The following SOX5 variants were observed in gnomAD, a reference collection of about 807,000 sequenced individuals.
SOX5 encodes the protein transcription factor SOX-5.
A neutral mutation model predicts 92.0 loss-of-function variants in SOX5; 9 were observed. The ratio of observed to expected loss-of-function variants is 0.10; its 90% confidence interval spans 0.06 to 0.17. SOX5 has a LOEUF of 0.17. Among genes scored for constraint, SOX5 ranks in the 10% least tolerant of loss-of-function variants. The pLI is 1.00. For synonymous variants in SOX5, 344 were observed against 336.3 expected, an observed-to-expected ratio of 1.02 and a Z score of -0.25; for missense variants, 642 against 944.5, an observed-to-expected ratio of 0.68 and a Z score of 4.20.
At chr12:23,825,353 C>G (rs756485175) in intron 3 of SOX5, among the ~76,000 whole-genome samples, 1 of 152,134 alleles carries the variant, frequency 6.6e-6, no homozygotes, top group Non-Finnish European at 1.5e-5. Context: ...TTGCAATTCC[C>G]GGGTGAGGCA....
chr12:23,531,888 T>C lies in SOX5; in HGVS notation c.*2331A>G, dbSNP rs1939161700. The C allele has an allele frequency of 6.6e-6, 1 of 150,980 alleles. No individual in the cohort carries two copies. Among genetic ancestry groups the C allele is most frequent in the Admixed American group, 6.6e-5 (1 of 15,054 alleles). The allele number at this position is 150,980 out of a possible 1,614,324, so 9.4% of individuals were successfully genotyped here. A position where few individuals can be genotyped will look rare whatever the true frequency, so the allele number is the denominator to read the frequency against. ...ACTTACGGAAAGAGAAGTAAAATTGTGGGTAAATGTGTGTGTGTGTGTGTA... is the reference window on the plus strand; with the variant it reads ...ACTTACGGAAAGAGAAGTAAAATTGCGGGTAAATGTGTGTGTGTGTGTGTA... On this transcript the variant is annotated 3_prime_UTR_variant, in exon 15 of 15. Coordinates refer to ENST00000451604, the MANE Select transcript of SOX5 (RefSeq NM_006940.6).
intron 1 of SOX5, among the ~76,000 whole-genome samples, chr12:24,550,051 A>T (rs969851526): frequency 6.6e-6 from 1 of 152,180 alleles, no homozygotes; most frequent in Non-Finnish European, 1.5e-5. Flanking sequence ...GAATCAGTCC[A>T]CTCTGGGTTC....
intron 4 of SOX5, among the ~76,000 whole-genome samples, chr12:23,751,566 C>T (rs1459228946): frequency 6.6e-6 from 1 of 151,838 alleles, no homozygotes; most frequent in Non-Finnish European, 1.5e-5. Context: ...TGACTCTATA[C>T]ATCTTCTATC....
intron 3 of SOX5, among the ~76,000 whole-genome samples, chr12:24,248,302 C>T (rs921739521): frequency 6.6e-6 from 1 of 152,294 alleles, no homozygotes; most frequent in African/African-American, 2.4e-5. Context: ...CTCAGAGAGC[C>T]AATATTCCTG....
upstream of SOX5, among the ~76,000 whole-genome samples, chr12:23,951,264 G>C (rs1279941404): frequency 6.6e-6 from 1 of 150,798 alleles, no homozygotes; most frequent in Non-Finnish European, 1.5e-5. Flanking sequence ...GGCTGGCACT[G>C]AACTCACTTA....
intron 2 of SOX5, among the ~76,000 whole-genome samples, chr12:24,327,866 T>C (rs1203962059): frequency 6.6e-6 from 1 of 152,038 alleles, no homozygotes; most frequent in African/African-American, 2.4e-5. Flanking sequence ...TTTCGTATTT[T>C]TTTTTTGGTA....
intron 6 of SOX5, among the ~76,000 whole-genome samples, chr12:23,702,401 T>G (rs546841666): frequency 6.6e-6 from 1 of 152,028 alleles, no homozygotes; most frequent in Non-Finnish European, 1.5e-5. Context: ...CTCATCAAAG[T>G]TGGGTATTTA....
intron 2 of SOX5, among the ~76,000 whole-genome samples, chr12:24,316,928 T>C (rs1413262893): frequency 6.6e-6 from 1 of 152,140 alleles, no homozygotes; most frequent in African/African-American, 2.4e-5. Flanking sequence ...AAGCTTTTTG[T>C]AGGTTTTAGC....
At position 23,610,687 on chromosome 12, in the gene SOX5, T is replaced by C. The variant is rs1381553063; in HGVS notation, c.1018-6154A>G. On this transcript the variant is annotated intron_variant, in intron 8 of 14. Transcript: ENST00000451604. ...TAGAAAGAAAGGCTCATTAGTAATA[T>C]AGATAAAATTCACATTCATTCACTC... Among the ~76,000 whole-genome samples, 5 of 152,128 alleles carry C rather than the reference T, an allele frequency of 3.3e-5. No homozygotes were observed. The East Asian group carries it at 9.6e-4, about 29-fold the overall frequency.
rs1952937035 is a variant in SOX5 at position 24,011,523 on chromosome 12, TTTG to T, written c.-1-115502_-1-115500del. Among the ~76,000 whole-genome samples the T allele has an allele frequency of 3.3e-5, 5 of 152,326 alleles. No homozygotes were observed. The South Asian group carries it at 1.0e-3, about 32-fold the overall frequency. On this transcript the variant is annotated intron_variant, in intron 4 of 4. Coordinates refer to the SOX5 transcript ENST00000446891. ...CCCAAAAGAAGAAGATTCCATATTT[TTTG>T]TTAACAACTTTTATTTTGTAGAGTA...
chr12:23,872,709 AATAT>A (rs1303423791), intron 2 of SOX5, among the ~76,000 whole-genome samples: 1 of 152,226 alleles, frequency 6.6e-6, no homozygotes, highest in East Asian at 1.9e-4. Context: ...GTAACCATTT[AATAT>A]ATAGGTTGTG....
At chr12:23,930,672 G>T (rs1211959832) in intron 1 of SOX5, among the ~76,000 whole-genome samples, 1 of 151,630 alleles carries the variant, frequency 6.6e-6, no homozygotes, top group Admixed American at 6.6e-5. Flanking sequence ...ACCCTGTGAG[G>T]CAGGTACTAT....
intron 2 of SOX5, among the ~76,000 whole-genome samples, chr12:23,864,154 G>A (rs551650259): frequency 4.6e-5 from 7 of 152,148 alleles, no homozygotes; most frequent in Admixed American, 1.3e-4. Context: ...AATCTTTGAT[G>A]TTTGTATTGT....
chr12:23,548,313 AT>A (rs1333693555), intron 11 of SOX5, among the ~76,000 whole-genome samples: 3 of 152,112 alleles, frequency 2.0e-5, no homozygotes, highest in Admixed American at 2.0e-4. Flanking sequence ...AGAGACTAAA[AT>A]TAACAAATAT....
chr12:23,890,545 G>A (rs1053788858), intron 2 of SOX5, among the ~76,000 whole-genome samples: 7 of 151,898 alleles, frequency 4.6e-5, no homozygotes, highest in Middle Eastern at 3.4e-3. Flanking sequence ...GACAGAAAAC[G>A]GGCACCAAAA....
At position 23,949,622 on chromosome 12, in the gene SOX5, C is replaced by T; in HGVS notation, c.-21G>A. The T allele has an allele frequency of 6.2e-7, 1 of 1,613,810 alleles. No homozygotes were observed. Among genetic ancestry groups the T allele is most frequent in the Non-Finnish European group, 8.5e-7 (1 of 1,179,792 alleles). On this transcript the variant is annotated 5_prime_UTR_variant, in exon 1 of 15. Transcript: ENST00000451604. ...AGCATGCTGGAAAAGCACAATTTCCCTTTGTCACAGCAGCCACCTATGATC... is the reference window on the plus strand; with the variant it reads ...AGCATGCTGGAAAAGCACAATTTCCTTTTGTCACAGCAGCCACCTATGATC...
rs71059921 is a variant in SOX5 at position 23,762,613 on chromosome 12, GA to G, written c.482-6890del. 783 of 416,142 alleles carry G rather than the reference GA, an allele frequency of 1.9e-3. 1 individual carries two copies. Among genetic ancestry groups the G allele is most frequent in the South Asian group, 9.8e-3 (222 of 22,742 alleles). The allele number at this position is 416,142 out of a possible 1,614,324, so 25.8% of individuals were successfully genotyped here. A position where few individuals can be genotyped will look rare whatever the true frequency, so the allele number is the denominator to read the frequency against. On this transcript the variant is annotated intron_variant, in intron 3 of 14. Coordinates refer to ENST00000451604, the MANE Select transcript of SOX5 (RefSeq NM_006940.6). The stretch of plus-strand genomic sequence containing the variant: ...TAATGAGAGCCTGTTAATACAAAAA[GA>G]AAAAAAAAAAAGTCTTTGGCTGACT...
chr12:23,938,163 G>A (rs1942971454), intron 1 of SOX5, among the ~76,000 whole-genome samples: 1 of 150,842 alleles, frequency 6.6e-6, no homozygotes, highest in Non-Finnish European at 1.5e-5. Context: ...TTCTTAAATT[G>A]GTATCAGCAC....
At chr12:24,373,598 C>T (rs1956957973) in intron 1 of SOX5, among the ~76,000 whole-genome samples, 1 of 151,996 alleles carries the variant, frequency 6.6e-6, no homozygotes, top group Admixed American at 6.5e-5. Flanking sequence ...AATTATATTA[C>T]ATTTATAAAG....
Sources: allele counts gnomAD v4.1 joint callset (sites outside exome capture counted in the v4.1 genomes callset), GRCh38; gene constraint gnomAD v4.1.1; transcripts MANE v1.5; gene names NCBI Gene and HGNC (gene_info 2026-07-23, HGNC 2026-07-21).